Variants in ASTN2 observed in about 807,000 individuals in gnomAD.
ASTN2 encodes the protein astrotactin-2.
A neutral mutation model predicts 139.8 loss-of-function variants in ASTN2; 54 were observed. That is an observed-to-expected ratio of 0.39 (90% confidence interval 0.31 to 0.48). ASTN2 has a LOEUF of 0.48. ASTN2 is among the 20% of genes least tolerant of loss of function. The pLI is 0.95. For synonymous variants in ASTN2, 756 were observed against 719.5 expected (o/e 1.05, Z -0.81); for missense variants, 1,565 against 1,725.1 (o/e 0.91, Z 1.64).
At chr9:117,180,523 C>T in intron 3 of ASTN2, 1 of 629,906 alleles carries the variant, frequency 1.6e-6, no homozygotes, top group Non-Finnish European at 2.7e-6. Context: ...CCTCTGTGAT[C>T]CTGGAATATT....
intron 2 of ASTN2, among the ~76,000 whole-genome samples, chr9:117,226,757 TC>T (rs1832726195): frequency 6.6e-6 from 1 of 152,212 alleles, no homozygotes; most frequent in Non-Finnish European, 1.5e-5. Flanking sequence ...GGCTCCAGAA[TC>T]CTGTTTGTCT....
chr9:117,139,773 T>C (rs1196977378), intron 4 of ASTN2, among the ~76,000 whole-genome samples: 2 of 152,176 alleles, frequency 1.3e-5, no homozygotes, highest in Non-Finnish European at 1.5e-5. Flanking sequence ...TAGTGCTTAA[T>C]ACATGTATAA....
rs578172073 is a variant in ASTN2 at position 117,251,591 on chromosome 9, C to T, written c.631-36849G>A. Among the ~76,000 whole-genome samples the T allele has an allele frequency of 5.9e-5, 9 of 152,268 alleles. No individual in the cohort carries two copies. In the South Asian group the frequency reaches 1.9e-3, roughly 32 times the overall value. On this transcript the variant is annotated intron_variant, in intron 2 of 22. Transcript: ENST00000313400. Reference sequence around the variant, plus strand: ...ATGTACCTGAATAAATGAATTTCAACCTATCTAAAGCCCTTGCTATGATAC... The same window carrying T: ...ATGTACCTGAATAAATGAATTTCAATCTATCTAAAGCCCTTGCTATGATAC...
chr9:117,363,804 C>T (rs1829758714), intron 1 of ASTN2, among the ~76,000 whole-genome samples: 1 of 152,090 alleles, frequency 6.6e-6, no homozygotes, highest in Non-Finnish European at 1.5e-5. Context: ...TTAAAGACCT[C>T]GTATCACCAG....
At chr9:116,565,626 C>T (rs1239118857) in intron 19 of ASTN2, among the ~76,000 whole-genome samples, 2 of 150,470 alleles carry the variant, frequency 1.3e-5, no homozygotes, top group South Asian at 2.1e-4. Flanking sequence ...GGGCACACAC[C>T]ACCATGTGGC....
intron 4 of ASTN2, among the ~76,000 whole-genome samples, chr9:117,120,263 C>T (rs1335085111): frequency 4.0e-5 from 6 of 151,670 alleles, no homozygotes; most frequent in South Asian, 2.1e-4. Context: ...TGAGTCATCA[C>T]GTTATGATGG....
At chr9:116,440,037 G>A (rs1847795182) in intron 22 of ASTN2, among the ~76,000 whole-genome samples, 1 of 152,172 alleles carries the variant, frequency 6.6e-6, no homozygotes, top group Admixed American at 6.5e-5. Flanking sequence ...ACTGCTTTAT[G>A]AAGCTTTAGA....
intron 17 of ASTN2, among the ~76,000 whole-genome samples, chr9:116,648,037 T>C (rs577344441): frequency 6.6e-6 from 1 of 151,324 alleles, no homozygotes; most frequent in African/African-American, 2.4e-5. Context: ...AGTCTTGCTC[T>C]GTTGCCCAGA....
intron 19 of ASTN2, among the ~76,000 whole-genome samples, chr9:116,521,630 A>T (rs894839819): frequency 6.3e-4 from 96 of 152,204 alleles, no homozygotes; most frequent in Non-Finnish European, 5.9e-5. Context: ...AGCAAACACA[A>T]CAAAAAGCAA....
At chr9:116,781,129 C>T (rs1830209348) in intron 13 of ASTN2, among the ~76,000 whole-genome samples, 2 of 152,150 alleles carry the variant, frequency 1.3e-5, no homozygotes, top group South Asian at 4.1e-4. Context: ...AGCCACCCTG[C>T]CTGGCCATGT....
intron 19 of ASTN2, among the ~76,000 whole-genome samples, chr9:116,580,698 C>G (rs1217114438): frequency 6.6e-6 from 1 of 152,064 alleles, no homozygotes; most frequent in African/African-American, 2.4e-5. Flanking sequence ...TTTTTGGCAC[C>G]AAGAAATTAA....
intron 4 of ASTN2, among the ~76,000 whole-genome samples, chr9:117,134,635 G>A (rs1829908590): frequency 6.6e-6 from 1 of 152,010 alleles, no homozygotes; most frequent in African/African-American, 2.4e-5. Context: ...TACCAGCAAT[G>A]TCTTCCCAAA....
At chr9:117,059,457 C>CAA (rs200302698) in intron 5 of ASTN2, among the ~76,000 whole-genome samples, 4 of 151,894 alleles carry the variant, frequency 2.6e-5, no homozygotes, top group Non-Finnish European at 5.9e-5. Context: ...ACTAAAAATA[C>CAA]AAAAAATTAG....
At chr9:116,642,730 A>G (rs1857401915) in intron 17 of ASTN2, among the ~76,000 whole-genome samples, 1 of 152,196 alleles carries the variant, frequency 6.6e-6, no homozygotes, top group Non-Finnish European at 1.5e-5. Flanking sequence ...CCCTTGCCAT[A>G]AAATCAGTCC....
At chr9:117,249,954 C>T (rs1022498360) in intron 2 of ASTN2, among the ~76,000 whole-genome samples, 1 of 152,166 alleles carries the variant, frequency 6.6e-6, no homozygotes. Context: ...TTTAGAAACT[C>T]ACTAACCGCC....
intron 16 of ASTN2, among the ~76,000 whole-genome samples, chr9:116,668,561 T>G (rs1180855815): frequency 6.6e-6 from 1 of 152,236 alleles, no homozygotes; most frequent in Non-Finnish European, 1.5e-5. Context: ...AGCTCATTTC[T>G]TTTTATTGCT....
At chr9:117,331,571 A>G (rs1188236283) in intron 1 of ASTN2, among the ~76,000 whole-genome samples, 2 of 152,208 alleles carry the variant, frequency 1.3e-5, no homozygotes, top group African/African-American at 4.8e-5. Context: ...GATACAAAAC[A>G]TGACTGACAT....
Position 116,977,408 on chromosome 9 carries a change from C to T in ASTN2, c.1592-623G>A, listed in dbSNP as rs148634996. ...TCTTTTCTCCTCTCCCTCTCTCTTG[C>T]CATTCTTTTTCATTTCTTTCCCTTC... is the stretch of plus-strand genomic sequence containing the variant. On this transcript the variant is annotated intron_variant, in intron 7 of 22. Transcript: ENST00000313400. Among the ~76,000 whole-genome samples, 4 of 152,214 alleles carry T rather than the reference C, an allele frequency of 2.6e-5. No individual in the cohort carries two copies. The East Asian group carries it at 7.7e-4, about 29-fold the overall frequency.
intron 17 of ASTN2, among the ~76,000 whole-genome samples, chr9:116,639,075 A>G (rs1315168016): frequency 2.0e-5 from 3 of 152,236 alleles, no homozygotes; most frequent in African/African-American, 4.8e-5. Flanking sequence ...TGATAGGTAC[A>G]TGGCAGTTCA....
Sources: allele counts gnomAD v4.1 joint callset (sites outside exome capture counted in the v4.1 genomes callset), GRCh38; gene constraint gnomAD v4.1.1; transcripts MANE v1.5; gene names NCBI Gene and HGNC (gene_info 2026-07-23, HGNC 2026-07-21).